LIMA1: variants seen among roughly 807,000 people sequenced by gnomAD.
The protein encoded by LIMA1 is LIM domain and actin binding 1.
In LIMA1, 52 loss-of-function variants were observed where a neutral mutation model predicts 62.6. That is an observed-to-expected ratio of 0.83 (90% confidence interval 0.67 to 1.05). LIMA1 has a LOEUF of 1.05. LIMA1 is among the 50% of genes least tolerant of loss of function. The pLI, the probability that LIMA1 is intolerant of heterozygous loss-of-function variation, is 0.00. For missense variants in LIMA1, 780 were observed against 902.2 expected (o/e 0.86, Z 1.74); for synonymous variants, 302 against 317.8 (o/e 0.95, Z 0.53).
In LIMA1 at chr12:50,177,761, A is replaced by T; in HGVS notation, c.1583T>A (p.Leu528Gln). The T allele has an allele frequency of 6.2e-7, 1 of 1,614,102 alleles. No individual in the cohort carries two copies. Among genetic ancestry groups the T allele is most frequent in the South Asian group, 1.1e-5 (1 of 91,074 alleles). The part of the protein sequence containing the change: ...KEDKPAETKK[L>Q]RIAWPPPTEL... ...AGTGGGGGGTGGCCAGGCGATCCTCAGCTTCTTGGTTTCAGCTGGCTTGTC... is the reference window on the plus strand; with the variant it reads ...AGTGGGGGGTGGCCAGGCGATCCTCTGCTTCTTGGTTTCAGCTGGCTTGTC... Residue 528 changes from leucine (L) to glutamine (Q), a missense_variant, in exon 11 of 11, where the codon CTG becomes CAG. Physicochemically the swap from Leu to Gln is moderately radical, Grantham distance 113 (BLOSUM62 -2). Transcript: ENST00000341247.
At chr12:50,243,195 A>G (rs777842010) in intron 2 of LIMA1, among the ~76,000 whole-genome samples, 1 of 152,268 alleles carries the variant, frequency 6.6e-6, no homozygotes, top group Non-Finnish European at 1.5e-5. Flanking sequence ...GTACTCTTCT[A>G]TACATATAAA....
chr12:50,254,275 G>C (rs1471572995), intron 1 of LIMA1, among the ~76,000 whole-genome samples: 1 of 152,142 alleles, frequency 6.6e-6, no homozygotes, highest in Non-Finnish European at 1.5e-5. Context: ...AAGGATCGTT[G>C]CATGACAAAT....
intron 10 of LIMA1, among the ~76,000 whole-genome samples, chr12:50,178,966 A>ATAT (rs56674261): frequency 2.2e-3 from 278 of 128,956 alleles, no homozygotes; most frequent in African/African-American, 7.2e-3. Context: ...ATATATATAT[A>ATAT]TTTTTTTTTT....
At chr12:50,238,828 C>T (rs1306683553) in intron 2 of LIMA1, among the ~76,000 whole-genome samples, 10 of 148,136 alleles carry the variant, frequency 6.8e-5, no homozygotes, top group African/African-American at 2.5e-4. Flanking sequence ...CCAGCCTGGG[C>T]GACAGAGCGA....
At chr12:50,226,324 G>A (rs1438889753) in intron 3 of LIMA1, among the ~76,000 whole-genome samples, 1 of 152,104 alleles carries the variant, frequency 6.6e-6, no homozygotes, top group African/African-American at 2.4e-5. Context: ...TCACAGGTGT[G>A]AGCTACCATG....
chr12:50,205,558 G>A (rs1198044811), intron 5 of LIMA1, among the ~76,000 whole-genome samples: 3 of 151,858 alleles, frequency 2.0e-5, no homozygotes, highest in Non-Finnish European at 4.4e-5. Flanking sequence ...TGTTATCACT[G>A]GTAATACAGG....
intron 1 of LIMA1, among the ~76,000 whole-genome samples, chr12:50,273,080 A>AT (rs112767509): frequency 0.023 from 3,432 of 149,746 alleles, 120 homozygotes; most frequent in African/African-American, 0.078. Flanking sequence ...GGTTATAAAC[A>AT]TTTTTTTTTA....
At chr12:50,263,826 T>TATAG (rs1565862929) in intron 1 of LIMA1, among the ~76,000 whole-genome samples, 6 of 121,978 alleles carry the variant, frequency 4.9e-5, no homozygotes, top group South Asian at 3.0e-4. Context: ...TATATATATA[T>TATAG]AGAGAGAGTA....
intron 4 of LIMA1, among the ~76,000 whole-genome samples, chr12:50,209,297 C>T (rs751245626): frequency 6.6e-5 from 10 of 150,582 alleles, no homozygotes; most frequent in Non-Finnish European, 1.2e-4. Context: ...TGGTTGGGTG[C>T]GGTGGCTCAC....
At chr12:50,282,797 G>T (rs1270984442) in intron 1 of LIMA1, among the ~76,000 whole-genome samples, 1 of 152,184 alleles carries the variant, frequency 6.6e-6, no homozygotes, top group East Asian at 1.9e-4. Flanking sequence ...TTCGTTCCTA[G>T]CAGCTACAAC....
chr12:50,192,983 T>C (rs1016911628), intron 8 of LIMA1, among the ~76,000 whole-genome samples: 1 of 98,940 alleles, frequency 1.0e-5, no homozygotes, highest in African/African-American at 4.2e-5. Flanking sequence ...GTACTCTGTG[T>C]GTGTGTGTGT....
Position 50,222,366 on chromosome 12 carries a change from A to T in LIMA1, c.285T>A (p.Thr95=). The T allele has an allele frequency of 1.2e-6, 2 of 1,614,078 alleles. No individual in the cohort carries two copies. Among genetic ancestry groups the T allele is most frequent in the South Asian group, 2.2e-5 (2 of 91,078 alleles). Reference sequence around the variant, plus strand: ...GATGGTCTGCTCTGTGCCTAATCTCAGTGCTGCTGTTCCGTAGAGAGTCTG... The same window carrying T: ...GATGGTCTGCTCTGTGCCTAATCTCTGTGCTGCTGTTCCGTAGAGAGTCTG... ...SHTDSLRNSS[T]EIRHRADHPP... Residue 95 remains threonine (T), a synonymous_variant, in exon 4 of 11, where the codon ACT becomes ACA. Transcript: ENST00000341247.
intron 9 of LIMA1, among the ~76,000 whole-genome samples, chr12:50,184,319 T>C (rs1292963104): frequency 6.6e-6 from 1 of 152,226 alleles, no homozygotes; most frequent in Non-Finnish European, 1.5e-5. Flanking sequence ...AATTAAGTTT[T>C]CTCTAAAAGG....
chr12:50,211,854 T>A (rs1046941054), intron 4 of LIMA1, among the ~76,000 whole-genome samples: 4 of 152,116 alleles, frequency 2.6e-5, no homozygotes, highest in African/African-American at 9.7e-5. Flanking sequence ...CAGACTTTTA[T>A]CACATTTTAG....
At chr12:50,261,040 A>ATTTTTTTTT (rs1394809506) in intron 1 of LIMA1, among the ~76,000 whole-genome samples, 20 of 48,894 alleles carry the variant, frequency 4.1e-4, no homozygotes, top group Non-Finnish European at 5.4e-4. Context: ...GCCATCTAGT[A>ATTTTTTTTT]TATTTTTTTT....
chr12:50,182,978 C>T (rs191368281), intron 9 of LIMA1, among the ~76,000 whole-genome samples: 98 of 152,136 alleles, frequency 6.4e-4, no homozygotes, highest in South Asian at 8.3e-4. Flanking sequence ...CCGAGGTGGG[C>T]GGATCATGAG....
intron 1 of LIMA1, among the ~76,000 whole-genome samples, chr12:50,263,772 C>T (rs190041397): frequency 2.1e-5 from 3 of 143,032 alleles, no homozygotes; most frequent in African/African-American, 7.9e-5. Context: ...TGGGATCCAG[C>T]AATTCCATTC....
chr12:50,187,882 G>C (rs1435207796), intron 9 of LIMA1: 1 of 152,170 alleles, frequency 6.6e-6, no homozygotes, highest in Non-Finnish European at 1.5e-5. Flanking sequence ...CTCTCCTCTG[G>C]GAACGTTTAG....
intron 2 of LIMA1, among the ~76,000 whole-genome samples, chr12:50,245,310 G>A (rs1054170221): frequency 2.6e-5 from 4 of 151,958 alleles, no homozygotes; most frequent in African/African-American, 7.2e-5. Flanking sequence ...CTACTTGGGA[G>A]GCTGAGGCAG....
Sources: gnomAD v4.1 joint callset for allele counts (sites outside exome capture counted in the v4.1 genomes callset) on GRCh38, gnomAD v4.1.1 for gene constraint, MANE v1.5 for transcripts, NCBI Gene and HGNC (gene_info 2026-07-23, HGNC 2026-07-21) for gene names.